CCDC3: variants seen among roughly 807,000 people sequenced by gnomAD.
CCDC3 encodes coiled-coil domain containing 3, also known as coiled-coil domain-containing protein 3.
CCDC3 carries 24 observed loss-of-function variants against 21.4 expected under a neutral mutation model. The observed-to-expected ratio is 1.12, with a 90% CI of 0.81 to 1.58. CCDC3 has a LOEUF of 1.58. Among genes scored for constraint, CCDC3 ranks in the 40% most tolerant of loss-of-function variants. The pLI is 0.00. For missense variants in CCDC3, 425 were observed against 360.9 expected, an observed-to-expected ratio of 1.18 and a Z score of -1.44; for synonymous variants, 186 against 166.0, an observed-to-expected ratio of 1.12 and a Z score of -0.93.
In CCDC3 at chr10:13,090,379, C is replaced by T. The variant is rs73573883; in HGVS notation, c.-503+8146G>A. Among the ~76,000 whole-genome samples the T allele has an allele frequency of 8.3e-3, 1,270 of 152,262 alleles. 20 individuals carry two copies. Among genetic ancestry groups the T allele is most frequent in the African/African-American group, 0.029 (1,195 of 41,548 alleles). ...CTAGGATTACAGGTTTGAGCCACCG[C>T]ACCTGGCCATACCATTTCTTTATCC... On this transcript the variant is annotated intron_variant, in intron 3 of 6. Coordinates refer to the CCDC3 transcript ENST00000378839.
intron 2 of CCDC3, among the ~76,000 whole-genome samples, chr10:12,942,609 A>G (rs1343593397): frequency 6.6e-6 from 1 of 152,188 alleles, no homozygotes; most frequent in Admixed American, 6.5e-5. Context: ...AGCAGGCAAC[A>G]TGGCACCGGC....
At chr10:13,058,361 G>C in intron 4 of CCDC3, 2 of 1,073,690 alleles carry the variant, frequency 1.9e-6, no homozygotes, top group East Asian at 2.4e-5. Flanking sequence ...AATCCTGTGG[G>C]TCAGCAGCAG....
intron 5 of CCDC3, among the ~76,000 whole-genome samples, chr10:13,046,960 AAAG>A (rs1240778388): frequency 1.3e-5 from 2 of 151,950 alleles, no homozygotes; most frequent in African/African-American, 2.4e-5. Flanking sequence ...AAAAAAAAAA[AAAG>A]AAGAAGCCAA....
intron 5 of CCDC3, among the ~76,000 whole-genome samples, chr10:13,042,146 T>G (rs1013676144): frequency 1.3e-5 from 2 of 152,238 alleles, no homozygotes; most frequent in African/African-American, 4.8e-5. Flanking sequence ...TGCCGTTTCC[T>G]GCTGTGTGAT....
intron 5 of CCDC3, among the ~76,000 whole-genome samples, chr10:13,014,279 T>C (rs1363218209): frequency 6.7e-6 from 1 of 149,274 alleles, no homozygotes; most frequent in African/African-American, 2.5e-5. Flanking sequence ...TGAAACCTCA[T>C]CTCTACTAAA....
At chr10:12,925,595 CTG>C (rs1026744462) in intron 2 of CCDC3, among the ~76,000 whole-genome samples, 4 of 152,242 alleles carry the variant, frequency 2.6e-5, no homozygotes, top group Non-Finnish European at 5.9e-5. Flanking sequence ...GGTAAACCCT[CTG>C]TGTATCTTAA....
intron 5 of CCDC3, among the ~76,000 whole-genome samples, chr10:13,035,571 T>TTTCTGTG (rs1190473995): frequency 6.6e-6 from 1 of 152,216 alleles, no homozygotes. Flanking sequence ...CTCTGTATCA[T>TTTCTGTG]TTCTGTGTAT....
intron 2 of CCDC3, among the ~76,000 whole-genome samples, chr10:12,933,183 G>T (rs1834677637): frequency 6.6e-6 from 1 of 152,128 alleles, no homozygotes; most frequent in Non-Finnish European, 1.5e-5. Flanking sequence ...AGTTAGGAGA[G>T]ATTCCCTCTA....
At chr10:13,047,313 A>G (rs1006984580) in intron 5 of CCDC3, among the ~76,000 whole-genome samples, 1 of 152,186 alleles carries the variant, frequency 6.6e-6, no homozygotes, top group African/African-American at 2.4e-5. Context: ...CTGGTAGGTG[A>G]GTCTCCATGG....
intron 2 of CCDC3, among the ~76,000 whole-genome samples, chr10:12,912,949 T>C (rs1281235840): frequency 3.9e-5 from 6 of 152,244 alleles, no homozygotes; most frequent in Non-Finnish European, 8.8e-5. Context: ...CGCTCTATTC[T>C]GTTCAATTGG....
intron 2 of CCDC3, among the ~76,000 whole-genome samples, chr10:12,981,528 C>T (rs1013036398): frequency 6.6e-6 from 1 of 152,068 alleles, no homozygotes; most frequent in African/African-American, 2.4e-5. Context: ...TATACTGAGG[C>T]TCTCTGGAGA....
intron 5 of CCDC3, among the ~76,000 whole-genome samples, chr10:13,033,429 G>C (rs1394352986): frequency 2.0e-5 from 3 of 152,162 alleles, no homozygotes; most frequent in Non-Finnish European, 4.4e-5. Flanking sequence ...ACATAGGCAT[G>C]GGCGAGGACT....
chr10:13,074,605 G>C (rs1836937971), intron 3 of CCDC3, among the ~76,000 whole-genome samples: 1 of 149,346 alleles, frequency 6.7e-6, no homozygotes, highest in Admixed American at 6.7e-5. Flanking sequence ...AGCTTTTATA[G>C]ATTTTTCTAC....
At chr10:13,091,145 G>A (rs1210821780) in intron 3 of CCDC3, among the ~76,000 whole-genome samples, 1 of 152,116 alleles carries the variant, frequency 6.6e-6, no homozygotes, top group Non-Finnish European at 1.5e-5. Context: ...CAACTGGATG[G>A]TGCCCACCCA....
At chr10:13,057,719 A>G (rs965201334) in intron 4 of CCDC3, among the ~76,000 whole-genome samples, 1 of 152,006 alleles carries the variant, frequency 6.6e-6, no homozygotes, top group African/African-American at 2.4e-5. Flanking sequence ...CTCTACTAAA[A>G]ATACAAAAAA....
chr10:13,031,831 A>T (rs1291229805), intron 5 of CCDC3, among the ~76,000 whole-genome samples: 1 of 152,220 alleles, frequency 6.6e-6, no homozygotes, highest in Non-Finnish European at 1.5e-5. Flanking sequence ...ACAGGCTCTG[A>T]AATTGGGGCA....
intron 3 of CCDC3, among the ~76,000 whole-genome samples, chr10:13,088,598 G>A (rs1392395638): frequency 6.6e-6 from 1 of 152,200 alleles, no homozygotes; most frequent in Non-Finnish European, 1.5e-5. Flanking sequence ...AGGCTACCGA[G>A]GGAATGGAAT....
chr10:12,983,573 A>AG (rs1835539662), intron 2 of CCDC3, among the ~76,000 whole-genome samples: 1 of 150,152 alleles, frequency 6.7e-6, no homozygotes, highest in African/African-American at 2.5e-5. Flanking sequence ...CCCTCTCTCA[A>AG]GAAAAAAAAA....
intron 3 of CCDC3, among the ~76,000 whole-genome samples, chr10:13,079,984 G>C (rs552080662): frequency 2.0e-5 from 3 of 152,346 alleles, no homozygotes; most frequent in Admixed American, 1.3e-4. Flanking sequence ...AAAGAAGAAG[G>C]TCAAAGAAAG....
Sources: gnomAD v4.1 joint callset for allele counts (sites outside exome capture counted in the v4.1 genomes callset) on GRCh38, gnomAD v4.1.1 for gene constraint, MANE v1.5 for transcripts, NCBI Gene and HGNC (gene_info 2026-07-23, HGNC 2026-07-21) for gene names.